GLRA3: variants seen among roughly 807,000 people sequenced by gnomAD.
GLRA3 encodes glycine receptor subunit alpha-3.
GLRA3 carries 44 observed loss-of-function variants against 60.4 expected under a neutral mutation model. The ratio of observed to expected loss-of-function variants is 0.73; its 90% confidence interval spans 0.57 to 0.94. The LOEUF (loss-of-function observed/expected upper bound fraction) is 0.94. GLRA3 is among the 40% of genes least tolerant of loss of function. GLRA3 has a pLI of 0.00. For missense variants in GLRA3, 508 were observed against 564.6 expected (o/e 0.90, Z 1.02); for synonymous variants, 223 against 192.9 (o/e 1.16, Z -1.29).
intron 3 of GLRA3, among the ~76,000 whole-genome samples, chr4:174,754,077 G>T (rs2111202919): frequency 6.6e-6 from 1 of 152,068 alleles, no homozygotes; most frequent in African/African-American, 2.4e-5. Context: ...ATAAACAATT[G>T]TATTCTCTAT....
At chr4:174,688,046 A>G (rs1734616113) in intron 5 of GLRA3, among the ~76,000 whole-genome samples, 1 of 151,940 alleles carries the variant, frequency 6.6e-6, no homozygotes, top group African/African-American at 2.4e-5. Context: ...AGTGGTCCAC[A>G]AGGATTATAA....
chr4:174,821,677 A>T (rs985182420), intron 1 of GLRA3, among the ~76,000 whole-genome samples: 8 of 152,152 alleles, frequency 5.3e-5, no homozygotes, highest in African/African-American at 1.7e-4. Flanking sequence ...AAAAGTTGAG[A>T]AATATACATT....
chr4:174,697,700 T>G (rs1735115960), intron 5 of GLRA3, among the ~76,000 whole-genome samples: 2 of 152,206 alleles, frequency 1.3e-5, no homozygotes, highest in African/African-American at 4.8e-5. Context: ...CCCTTTCTCT[T>G]GGGAAAAGTG....
chr4:174,707,831 C>T (rs1735571141), intron 5 of GLRA3, among the ~76,000 whole-genome samples: 1 of 152,174 alleles, frequency 6.6e-6, no homozygotes, highest in East Asian at 1.9e-4. Flanking sequence ...AGTCACTTCA[C>T]TTCTCGAAGC....
chr4:174,813,116 T>C (rs2111374815), intron 1 of GLRA3, among the ~76,000 whole-genome samples: 1 of 152,300 alleles, frequency 6.6e-6, no homozygotes, highest in African/African-American at 2.4e-5. Flanking sequence ...TGCTCATATA[T>C]AGAAGAATTT....
In GLRA3 at chr4:174,640,182, A is replaced by T. The variant is rs567154839; in HGVS notation, c.*3604T>A. On this transcript the variant is annotated 3_prime_UTR_variant, in exon 10 of 10. Transcript: ENST00000274093. ...AGTAGAAGATATCATGACCTCAAGG[A>T]TTGTTAATGATATCTGTCTAAGGAT... The T allele has an allele frequency of 6.6e-6, 1 of 152,244 alleles. No homozygotes were observed. The highest frequency in any genetic ancestry group is 2.4e-5 in the African/African-American group (1 of 41,584). The allele number at this position is 152,244 out of a possible 1,614,324, so 9.4% of individuals were successfully genotyped here. A position where few individuals can be genotyped will look rare whatever the true frequency, so the allele number is the denominator to read the frequency against.
chr4:174,642,330 TC>T lies in GLRA3; in HGVS notation c.*1455del. 1.1e-6 allele frequency: 1 copy of T among 932,318 alleles called. No homozygotes were observed. Among genetic ancestry groups the T allele is most frequent in the South Asian group, 5.1e-5 (1 of 19,710 alleles). 57.8% of individuals were successfully genotyped at this position (932,318 alleles called of 1,614,324 possible). ...TATTGTACATCTGAGTTCATTGTTT[TC>T]TTAATCTTTAAAGTTTTCTCTGTGA... On this transcript the variant is annotated 3_prime_UTR_variant, in exon 10 of 10. Coordinates refer to ENST00000274093, the MANE Select transcript of GLRA3 (RefSeq NM_006529.4).
rs370928405 is a variant in GLRA3, at chr4:174,813,029, G to C, written c.71+15712C>G. On this transcript the variant is annotated intron_variant, in intron 1 of 9. Transcript: ENST00000274093. ...TAGAGACTGTGCTTTGTACAAAAAG[G>C]CTAGCTATTTTCAACATGTAAAGAA... 3.9e-5 allele frequency among the ~76,000 whole-genome samples: 6 copies of C among 152,052 alleles called. No individual in the cohort carries two copies. In the East Asian group the frequency reaches 7.7e-4, roughly 20 times the overall value.
At chr4:174,688,335 ATATATATATATAT>A (rs1734635255) in intron 5 of GLRA3, among the ~76,000 whole-genome samples, 1 of 115,438 alleles carries the variant, frequency 8.7e-6, no homozygotes, top group East Asian at 2.5e-4. Flanking sequence ...ATATATATAT[ATATATATATATAT>A]ATATATATAT....
chr4:174,745,713 G>T (rs374809330), intron 3 of GLRA3, among the ~76,000 whole-genome samples: 1 of 151,708 alleles, frequency 6.6e-6, no homozygotes, highest in African/African-American at 2.4e-5. Flanking sequence ...TGCAGAATGG[G>T]AGAAAATATT....
At chr4:174,806,584 A>G (rs1207530249) in intron 1 of GLRA3, among the ~76,000 whole-genome samples, 8 of 152,124 alleles carry the variant, frequency 5.3e-5, no homozygotes, top group African/African-American at 1.9e-4. Context: ...GTTATTTCCT[A>G]AACAATAGAG....
intron 7 of GLRA3, among the ~76,000 whole-genome samples, chr4:174,673,431 A>G (rs765387033): frequency 3.9e-5 from 6 of 152,072 alleles, no homozygotes; most frequent in Admixed American, 2.6e-4. Context: ...TCCTCCTAAG[A>G]AGGAGGATTT....
intron 8 of GLRA3, among the ~76,000 whole-genome samples, chr4:174,658,021 C>T (rs1313895799): frequency 3.9e-5 from 6 of 152,124 alleles, no homozygotes; most frequent in Non-Finnish European, 8.8e-5. Context: ...ACTGAGAGGT[C>T]AAAGCTTAGT....
At chr4:174,795,519 G>A (rs748594293) in intron 1 of GLRA3, among the ~76,000 whole-genome samples, 3 of 152,104 alleles carry the variant, frequency 2.0e-5, no homozygotes, top group Non-Finnish European at 4.4e-5. Context: ...GGAGGAATAT[G>A]TAAGAGGTGA....
intron 5 of GLRA3, among the ~76,000 whole-genome samples, chr4:174,692,334 C>A (rs1191763084): frequency 1.4e-5 from 2 of 146,794 alleles, no homozygotes; most frequent in South Asian, 2.3e-4. Flanking sequence ...CAGCCCCCCG[C>A]TCGGCCAGCC....
intron 4 of GLRA3, among the ~76,000 whole-genome samples, chr4:174,717,713 G>A (rs1020050533): frequency 6.6e-6 from 1 of 152,168 alleles, no homozygotes; most frequent in African/African-American, 2.4e-5. Flanking sequence ...GCTCAGCTAG[G>A]TTAAGTATGA....
At chr4:174,657,426 A>C (rs181461344) in intron 8 of GLRA3, among the ~76,000 whole-genome samples, 1 of 152,250 alleles carries the variant, frequency 6.6e-6, no homozygotes, top group East Asian at 1.9e-4. Context: ...GAGAAGGAAA[A>C]AGGTAAAGAA....
intron 1 of GLRA3, among the ~76,000 whole-genome samples, chr4:174,825,339 T>C (rs1171579337): frequency 5.3e-5 from 8 of 152,092 alleles, no homozygotes; most frequent in Non-Finnish European, 7.4e-5. Context: ...GCAAAACCAG[T>C]AAGCTCTGTG....
intron 3 of GLRA3, among the ~76,000 whole-genome samples, chr4:174,758,111 A>G (rs930742019): frequency 3.3e-5 from 5 of 152,130 alleles, no homozygotes; most frequent in Non-Finnish European, 5.9e-5. Flanking sequence ...TGCTGGTGCC[A>G]TGCTTCTTGA....
Sources: allele counts gnomAD v4.1 joint callset (sites outside exome capture counted in the v4.1 genomes callset), GRCh38; gene constraint gnomAD v4.1.1; transcripts MANE v1.5; gene names NCBI Gene and HGNC (gene_info 2026-07-23, HGNC 2026-07-21).